Variants in SPAG6 observed in about 807,000 individuals in gnomAD.
The protein encoded by SPAG6 is sperm associated antigen 6, also known as sperm-associated antigen 6.
In SPAG6, 49 loss-of-function variants were observed where a neutral mutation model predicts 58.5. The observed-to-expected ratio is 0.84, with a 90% CI of 0.67 to 1.06. The LOEUF is 1.06. SPAG6 is among the 50% of genes least tolerant of loss of function. The pLI is 0.00. For synonymous variants in SPAG6, 233 were observed against 225.6 expected (o/e 1.03, Z -0.29); for missense variants, 560 against 611.3 (o/e 0.92, Z 0.89).
At chr10:22,358,384 T>C (rs1373467209) in intron 2 of SPAG6, among the ~76,000 whole-genome samples, 1 of 151,854 alleles carries the variant, frequency 6.6e-6, no homozygotes, top group African/African-American at 2.4e-5. Flanking sequence ...AAATGTCTTC[T>C]TTTGAGAAGT....
chr10:22,355,420 AT>A (rs1488474210), intron 2 of SPAG6, among the ~76,000 whole-genome samples: 2 of 152,224 alleles, frequency 1.3e-5, no homozygotes, highest in African/African-American at 2.4e-5. Context: ...TATATCAGAT[AT>A]GGTAGTCCTT....
At chr10:22,373,704 T>C (rs1833757371) in intron 4 of SPAG6, among the ~76,000 whole-genome samples, 1 of 152,200 alleles carries the variant, frequency 6.6e-6, no homozygotes, top group Non-Finnish European at 1.5e-5. Context: ...TCCAGTAACA[T>C]CTTTTGCTTC....
chr10:22,368,562 A>G lies in SPAG6; in HGVS notation c.356A>G (p.Gln119Arg), dbSNP rs1171511504. ...GGTAAACATTCTCCCCAGCTAGCTC[A>G]GGCAATAGTCGATTGTGGAGCACTG... ...AVGKHSPQLA[Q>R]AIVDCGALDT... The change falls in exon 4 of 11, where the codon CAG becomes CGG. Residue 119 changes from glutamine (Q) to arginine (R), a missense_variant. By Grantham distance (43) the Gln-to-Arg change is conservative. Coordinates refer to ENST00000376624, the MANE Select transcript of SPAG6 (RefSeq NM_012443.4). 6.2e-7 allele frequency: 1 copy of G among 1,614,016 alleles called. No homozygotes were observed.
chr10:22,375,848 A>G (rs1177774027), intron 4 of SPAG6, among the ~76,000 whole-genome samples: 1 of 152,082 alleles, frequency 6.6e-6, no homozygotes, highest in Admixed American at 6.6e-5. Context: ...AAGTGCTGGG[A>G]CTACAGGTGT....
intron 8 of SPAG6, among the ~76,000 whole-genome samples, chr10:22,400,957 C>G (rs1834397028): frequency 6.6e-6 from 1 of 152,074 alleles, no homozygotes; most frequent in Non-Finnish European, 1.5e-5. Flanking sequence ...TAAGGCTTAA[C>G]ACAAAGACAA....
intron 6 of SPAG6, 53 bp from the exon 7 acceptor site, chr10:22,389,107 T>G: frequency 6.5e-7 from 1 of 1,543,620 alleles, no homozygotes; most frequent in Non-Finnish European, 8.9e-7. Flanking sequence ...TTAAACTGTA[T>G]TTAAAGACCA....
At position 22,345,989 on chromosome 10, in the gene SPAG6, CTTCCAGATGGT is replaced by C; in HGVS notation, c.121+173_121+183del. 6.5e-7 allele frequency: 1 copy of C among 1,548,776 alleles called. No homozygotes were observed. The highest frequency in any genetic ancestry group is 8.7e-7 in the Non-Finnish European group (1 of 1,146,208). The stretch of plus-strand genomic sequence containing the variant: ...TGGGGGTCAGGCCGAGAGGGTGAAG[CTTCCAGATGGT>C]TGTGGGAGGTGCGCGTTGTCCCTGT... On this transcript the variant is annotated intron_variant, in intron 2 of 10. Coordinates refer to ENST00000376624, the MANE Select transcript of SPAG6 (RefSeq NM_012443.4). The surrounding 1 kb of genome is among the most constrained non-coding windows in gnomAD (Gnocchi z 6.3).
intron 2 of SPAG6, among the ~76,000 whole-genome samples, chr10:22,357,899 AC>A (rs1836913000): frequency 2.0e-5 from 3 of 151,812 alleles, no homozygotes; most frequent in Non-Finnish European, 4.4e-5. Flanking sequence ...CCATGTCCCT[AC>A]AAAGGACCTG....
chr10:22,397,220 A>G (rs1834313901), intron 8 of SPAG6, among the ~76,000 whole-genome samples: 1 of 152,166 alleles, frequency 6.6e-6, no homozygotes, highest in Non-Finnish European at 1.5e-5. Context: ...ACACACACAC[A>G]CACGCACACA....
At chr10:22,358,767 A>G (rs1480810213) in intron 2 of SPAG6, among the ~76,000 whole-genome samples, 2 of 152,200 alleles carry the variant, frequency 1.3e-5, no homozygotes, top group Admixed American at 6.5e-5. Flanking sequence ...TATAAGGAGT[A>G]AGGAAGGGAT....
At chr10:22,370,184 C>CA (rs1009637076) in intron 4 of SPAG6, among the ~76,000 whole-genome samples, 8 of 151,988 alleles carry the variant, frequency 5.3e-5, no homozygotes, top group East Asian at 1.9e-4. Context: ...GATATAATTA[C>CA]AAAAAAATCA....
intron 9 of SPAG6, among the ~76,000 whole-genome samples, chr10:22,408,871 A>T (rs1273398084): frequency 6.6e-6 from 1 of 152,210 alleles, no homozygotes; most frequent in African/African-American, 2.4e-5. Context: ...GGAAAAGCAC[A>T]GTATTTGGGT....
chr10:22,364,766 A>T, intron 2 of SPAG6, 87 bp from the exon 3 acceptor site: 3 of 931,998 alleles, frequency 3.2e-6, no homozygotes, highest in South Asian at 1.9e-5. Context: ...TTTCCCTTTA[A>T]TTTTACTGTC....
At chr10:22,372,436 T>C (rs1324193587) in intron 4 of SPAG6, among the ~76,000 whole-genome samples, 1 of 152,104 alleles carries the variant, frequency 6.6e-6, no homozygotes, top group Non-Finnish European at 1.5e-5. Context: ...GTAGGAGGGA[T>C]GGTGGGATTC....
intron 4 of SPAG6, among the ~76,000 whole-genome samples, chr10:22,380,230 A>G (rs1391196340): frequency 6.6e-6 from 1 of 152,164 alleles, no homozygotes; most frequent in Non-Finnish European, 1.5e-5. Context: ...GTTGAATGGG[A>G]TGAGGAATTA....
chr10:22,375,886 G>A, intron 4 of SPAG6, among the ~76,000 whole-genome samples: 1 of 151,964 alleles, frequency 6.6e-6, no homozygotes, highest in East Asian at 1.9e-4. Context: ...CACCTCAAAG[G>A]ATTTTTGAAG....
Position 22,359,591 on chromosome 10 carries a change from A to C in SPAG6, c.122-5262A>C, listed in dbSNP as rs565018759. ...GAGTTTTTGTTAGGGATAATGAAAA[A>C]GTTCTGGACATGGATAGTGGTGGTG... On this transcript the variant is annotated intron_variant, in intron 2 of 10. Coordinates refer to ENST00000376624, the MANE Select transcript of SPAG6 (RefSeq NM_012443.4). 4.5e-4 allele frequency among the ~76,000 whole-genome samples: 69 copies of C among 152,238 alleles called. 1 individual carries two copies. The highest frequency in any genetic ancestry group is 6.8e-3 in the Middle Eastern group (2 of 294).
Position 22,365,011 on chromosome 10 carries a change from G to A in SPAG6, c.280G>A (p.Glu94Lys), listed in dbSNP as rs755594689. The stretch of plus-strand genomic sequence containing the variant: ...TCCACAGCTTGTTTATTCATTGGCA[G>A]AACAGAATGTAAGAATTAAAAAAAA... ...ILPQLVYSLA[E>K]QNRFYKKAAA... Residue 94 changes from glutamate (E) to lysine (K), a missense_variant, in exon 3 of 11, where the codon GAA becomes AAA. Coordinates refer to ENST00000376624, the MANE Select transcript of SPAG6 (RefSeq NM_012443.4). 1.3e-6 allele frequency: 2 copies of A among 1,587,634 alleles called. No individual in the cohort carries two copies. The highest frequency in any genetic ancestry group is 1.2e-5 in the South Asian group (1 of 85,946).
intron 9 of SPAG6, among the ~76,000 whole-genome samples, chr10:22,409,643 G>T (rs1834676039): frequency 6.6e-6 from 1 of 152,212 alleles, no homozygotes; most frequent in South Asian, 2.1e-4. Flanking sequence ...CAAGTGAAAA[G>T]AGCTGGTCCT....
Sources: allele counts gnomAD v4.1 joint callset (sites outside exome capture counted in the v4.1 genomes callset), GRCh38; gene constraint gnomAD v4.1.1; non-coding constraint Gnocchi (gnomAD v3.1); transcripts MANE v1.5; gene names NCBI Gene and HGNC (gene_info 2026-07-23, HGNC 2026-07-21).